Variants in VAV3 observed in about 807,000 individuals in gnomAD.
VAV3 encodes guanine nucleotide exchange factor VAV3.
A neutral mutation model predicts 131.2 loss-of-function variants in VAV3; 94 were observed. The observed-to-expected ratio is 0.72, with a 90% CI of 0.61 to 0.85. VAV3 has a LOEUF of 0.85. Among genes scored for constraint, VAV3 ranks in the 40% least tolerant of loss-of-function variants. VAV3 has a pLI of 0.00. For synonymous variants in VAV3, 349 were observed against 342.0 expected (o/e 1.02, Z -0.22); for missense variants, 939 against 1,002.7 (o/e 0.94, Z 0.86).
chr1:107,646,629 A>G (rs887943038), intron 19 of VAV3, among the ~76,000 whole-genome samples: 1 of 152,114 alleles, frequency 6.6e-6, no homozygotes, highest in Non-Finnish European at 1.5e-5. Context: ...TTTGTTGTAC[A>G]GCTAACTATG....
At chr1:107,714,775 C>A (rs1315542979) in intron 15 of VAV3, among the ~76,000 whole-genome samples, 11 of 152,040 alleles carry the variant, frequency 7.2e-5, no homozygotes, top group African/African-American at 2.7e-4. Flanking sequence ...TCCTTATATT[C>A]CAAATCACGT....
intron 25 of VAV3, among the ~76,000 whole-genome samples, chr1:107,586,508 G>T (rs1287295343): frequency 1.3e-5 from 2 of 152,156 alleles, no homozygotes; most frequent in East Asian, 1.9e-4. Flanking sequence ...GAAATTAACT[G>T]TTGAAGAATG....
At chr1:107,953,020 T>A (rs1674631022) in intron 1 of VAV3, among the ~76,000 whole-genome samples, 1 of 152,262 alleles carries the variant, frequency 6.6e-6, no homozygotes, top group Non-Finnish European at 1.5e-5. Context: ...AATCTCATTT[T>A]ACATTTCTAG....
intron 1 of VAV3, among the ~76,000 whole-genome samples, chr1:107,929,537 T>C (rs1673321462): frequency 6.6e-6 from 1 of 151,976 alleles, no homozygotes; most frequent in South Asian, 2.1e-4. Flanking sequence ...TACAGAATAT[T>C]ATATAACATT....
At chr1:107,950,317 T>A (rs946710212) in intron 1 of VAV3, among the ~76,000 whole-genome samples, 3 of 152,218 alleles carry the variant, frequency 2.0e-5, no homozygotes, top group African/African-American at 7.2e-5. Context: ...TTGCTACTGT[T>A]ACTTCTAGTA....
At chr1:107,603,007 A>C (rs769610936) in intron 23 of VAV3, 40 bp downstream of exon 23, 1 of 1,536,636 alleles carries the variant, frequency 6.5e-7, no homozygotes, top group East Asian at 2.3e-5. Context: ...AATTATGAAA[A>C]CAGGAAATCT....
At chr1:107,670,067 G>T (rs947375949) in intron 19 of VAV3, among the ~76,000 whole-genome samples, 1 of 152,174 alleles carries the variant, frequency 6.6e-6, no homozygotes, top group Non-Finnish European at 1.5e-5. Flanking sequence ...TGTGGGTAGG[G>T]TGAGTATTTT....
At chr1:107,865,422 T>C (rs1669939478) in intron 2 of VAV3, among the ~76,000 whole-genome samples, 1 of 152,136 alleles carries the variant, frequency 6.6e-6, no homozygotes, top group South Asian at 2.1e-4. Flanking sequence ...GTATGTGATC[T>C]TGAATTGAGT....
intron 2 of VAV3, among the ~76,000 whole-genome samples, chr1:107,830,885 T>C (rs1668219708): frequency 6.6e-6 from 1 of 152,166 alleles, no homozygotes; most frequent in South Asian, 2.1e-4. Context: ...AAAAATTAAG[T>C]TTAATTTGTA....
At chr1:107,649,057 A>G (rs1180163598) in intron 19 of VAV3, among the ~76,000 whole-genome samples, 3 of 152,010 alleles carry the variant, frequency 2.0e-5, no homozygotes, top group Non-Finnish European at 4.4e-5. Flanking sequence ...AAAGCCCTCA[A>G]AAAACAAACA....
chr1:107,685,065 CA>C (rs879602574), intron 18 of VAV3, among the ~76,000 whole-genome samples: 9 of 147,494 alleles, frequency 6.1e-5, no homozygotes, highest in Non-Finnish European at 7.5e-5. Context: ...ACTAGGAAGG[CA>C]AAAAAAAATG....
chr1:107,657,294 A>T (rs1656640932), intron 19 of VAV3, among the ~76,000 whole-genome samples: 1 of 152,194 alleles, frequency 6.6e-6, no homozygotes, highest in South Asian at 2.1e-4. Flanking sequence ...TCAGCTTATG[A>T]AACAAAACAA....
chr1:107,628,694 T>C (rs1654223283), intron 20 of VAV3, among the ~76,000 whole-genome samples: 1 of 152,188 alleles, frequency 6.6e-6, no homozygotes, highest in Non-Finnish European at 1.5e-5. Flanking sequence ...TTAGAGGTGT[T>C]AGAAAATTAA....
intron 2 of VAV3, among the ~76,000 whole-genome samples, chr1:107,802,703 G>A (rs546230823): frequency 1.3e-5 from 2 of 152,060 alleles, no homozygotes; most frequent in South Asian, 4.1e-4. Flanking sequence ...TGATCATAGT[G>A]AATGGTCTTT....
At chr1:107,940,629 C>T (rs569836410) in intron 1 of VAV3, among the ~76,000 whole-genome samples, 6 of 152,212 alleles carry the variant, frequency 3.9e-5, no homozygotes, top group African/African-American at 1.4e-4. Context: ...GTCTGTACAA[C>T]GGAATATTAT....
At chr1:107,619,777 C>G (rs772957447) in intron 20 of VAV3, among the ~76,000 whole-genome samples, 4 of 152,136 alleles carry the variant, frequency 2.6e-5, no homozygotes, top group Non-Finnish European at 5.9e-5. Flanking sequence ...TTCAGAACAA[C>G]AACAAAAGGC....
At chr1:107,632,352 G>T (rs1654569080) in intron 20 of VAV3, among the ~76,000 whole-genome samples, 1 of 152,136 alleles carries the variant, frequency 6.6e-6, no homozygotes. Context: ...ATTCAGTCAG[G>T]GTGGTAAGCA....
intron 19 of VAV3, among the ~76,000 whole-genome samples, chr1:107,674,373 A>C (rs950084770): frequency 6.6e-6 from 1 of 152,198 alleles, no homozygotes; most frequent in Middle Eastern, 3.2e-3. Flanking sequence ...ACCCAAATTA[A>C]TTGAAATACT....
chr1:107,785,732 A>C, intron 2 of VAV3: 2 of 920,268 alleles, frequency 2.2e-6, no homozygotes, highest in Non-Finnish European at 2.7e-6. Flanking sequence ...AGACAGAAGC[A>C]TAGTCTGTAG....
Sources: gnomAD v4.1 joint callset for allele counts (sites outside exome capture counted in the v4.1 genomes callset) on GRCh38, gnomAD v4.1.1 for gene constraint, MANE v1.5 for transcripts, NCBI Gene and HGNC (gene_info 2026-07-23, HGNC 2026-07-21) for gene names.